Variants in CNTRL observed in about 807,000 individuals in gnomAD.
The protein encoded by CNTRL is centriolin.
In CNTRL, 233 loss-of-function variants were observed where a neutral mutation model predicts 303.7. The observed-to-expected ratio is 0.77, with a 90% confidence interval of 0.69 to 0.86. The LOEUF (loss-of-function observed/expected upper bound fraction) is 0.86. Ranked by LOEUF, CNTRL falls within the 40% of genes least tolerant of loss-of-function variation. CNTRL has a pLI of 0.00. For synonymous variants in CNTRL, 900 were observed against 922.2 expected (o/e 0.98, Z 0.44); for missense variants, 2,524 against 2,650.6 (o/e 0.95, Z 1.05).
At chr9:121,171,224 C>T (rs1447213221) in intron 39 of CNTRL, 184 bp from the exon 40 acceptor site, 32 of 685,324 alleles carry the variant, frequency 4.7e-5, no homozygotes, top group African/African-American at 8.8e-5. Flanking sequence ...CAGACTCTGA[C>T]GTGTATATAC....
intron 23 of CNTRL, among the ~76,000 whole-genome samples, chr9:121,148,018 G>T (rs1317385071): frequency 2.0e-5 from 3 of 152,190 alleles, no homozygotes; most frequent in African/African-American, 7.2e-5. Context: ...TTTCTTCGAA[G>T]TTCACTGGTT....
intron 11 of CNTRL, among the ~76,000 whole-genome samples, chr9:121,116,974 T>TA (rs1471587239): frequency 6.6e-6 from 1 of 152,230 alleles, no homozygotes; most frequent in African/African-American, 2.4e-5. Flanking sequence ...GCCAAAGCTT[T>TA]ACATAGATTG....
Position 121,154,767 on chromosome 9 carries a change from A to G in CNTRL, c.4219A>G (p.Ile1407Val), listed in dbSNP as rs149632088. Residue 1407 changes from isoleucine (I) to valine (V), a missense_variant, in exon 27 of 44, where the codon ATA becomes GTA. Coordinates refer to ENST00000373855, the MANE Select transcript of CNTRL (RefSeq NM_007018.6). ...NVESLMTELEIEKSLKHHEDI... is the reference protein window; with the variant it reads ...NVESLMTELEVEKSLKHHEDI... ...TGAGAGTCTTATGACTGAACTAGAA[A>G]TAGAAAAATCACTCAAACATCATGA... 4.1e-4 allele frequency: 668 copies of G among 1,611,440 alleles called. 1 individual carries two copies. Among genetic ancestry groups the G allele is most frequent in the Non-Finnish European group, 5.2e-4 (610 of 1,177,594 alleles).
intron 42 of CNTRL, 108 bp downstream of exon 42, chr9:121,173,845 C>A: frequency 9.4e-7 from 1 of 1,064,106 alleles, no homozygotes; most frequent in Non-Finnish European, 1.5e-6. Flanking sequence ...CTGTTGCAGC[C>A]CTGCCAGCAG....
rs545104832 is a variant in CNTRL at position 121,132,425 on chromosome 9, G to A, written c.2026-3381G>A. ...CCCTTTCTTCCACTTGATCAAATTG[G>A]CTACTGAAGCTTGTGCATGTGTTAC... On this transcript the variant is annotated intron_variant, in intron 14 of 43. Coordinates refer to ENST00000373855, the MANE Select transcript of CNTRL (RefSeq NM_007018.6). Among the ~76,000 whole-genome samples, 8 of 152,128 alleles carry A rather than the reference G, an allele frequency of 5.3e-5. No individual in the cohort carries two copies. The East Asian group carries it at 1.4e-3, about 26-fold the overall frequency.
At chr9:121,172,012 C>G (rs2053326023) in intron 40 of CNTRL, among the ~76,000 whole-genome samples, 1 of 152,134 alleles carries the variant, frequency 6.6e-6, no homozygotes. Context: ...TCTCTGGTGT[C>G]CTTTAGAGCA....
At position 121,092,495 on chromosome 9, in the gene CNTRL, C is replaced by CTATATATAATATATATCTA. The variant is rs2048637271; in HGVS notation, c.348+2098_348+2099insATATATATCTATATATATA. 5.8e-4 allele frequency among the ~76,000 whole-genome samples: 8 copies of CTATATATAATATATATCTA among 13,878 alleles called. 2 individuals are homozygous for CTATATATAATATATATCTA. Among genetic ancestry groups the CTATATATAATATATATCTA allele is most frequent in the Non-Finnish European group, 9.5e-4 (7 of 7,378 alleles). 9.1% of individuals were successfully genotyped at this position (13,878 alleles called of 152,430 possible). A position where few individuals can be genotyped will look rare whatever the true frequency, so the allele number is the denominator to read the frequency against. On this transcript the variant is annotated intron_variant, in intron 4 of 43. Coordinates refer to ENST00000373855, the MANE Select transcript of CNTRL (RefSeq NM_007018.6). ...ATATATCTATATATATAATATATAT[C>CTATATATAATATATATCTA]TATATATATAATATATATCTATATA... is the stretch of plus-strand genomic sequence containing the variant.
intron 7 of CNTRL, among the ~76,000 whole-genome samples, chr9:121,101,063 A>G (rs1324931993): frequency 2.0e-5 from 3 of 152,240 alleles, no homozygotes; most frequent in Admixed American, 2.0e-4. Flanking sequence ...CAGACCTAAT[A>G]CAGAACTCTC....
rs745485143 is a variant in CNTRL at position 121,144,093 on chromosome 9, A to G, written c.3051+11A>G. 2 of 1,596,200 alleles carry G rather than the reference A, an allele frequency of 1.3e-6. No individual in the cohort carries two copies. The highest frequency in any genetic ancestry group is 2.2e-5 in the East Asian group (1 of 44,692). ...CAGGAGCGAGCAGAGGTGAGTTCAC[A>G]TGTACAGAACAGGTTTCCATCAATG... is the stretch of plus-strand genomic sequence containing the variant. On this transcript the variant is annotated intron_variant, in intron 20 of 43. Transcript: ENST00000373855.
intron 4 of CNTRL, among the ~76,000 whole-genome samples, chr9:121,092,486 A>G (rs867868378): frequency 6.3e-5 from 6 of 94,784 alleles, no homozygotes; most frequent in African/African-American, 2.3e-4. Context: ...CTATATATAT[A>G]ATATATATCT....
At chr9:121,087,495 A>G (rs893500706) in intron 2 of CNTRL, among the ~76,000 whole-genome samples, 6 of 152,154 alleles carry the variant, frequency 3.9e-5, no homozygotes, top group Admixed American at 3.3e-4. Context: ...GTTCGAGATC[A>G]GCCTGGCCAA....
chr9:121,162,844 A>C (rs117839574), intron 34 of CNTRL, among the ~76,000 whole-genome samples: 21 of 152,324 alleles, frequency 1.4e-4, no homozygotes, highest in Non-Finnish European at 1.6e-4. Context: ...AAAGATAAAC[A>C]CATAGATCAA....
rs952769168 is a variant in CNTRL at position 121,174,964 on chromosome 9, C to A, written c.6748-54C>A. 3 of 1,497,232 alleles carry A rather than the reference C, an allele frequency of 2.0e-6. No homozygotes were observed. In the African/African-American group the frequency reaches 4.1e-5, roughly 21 times the overall value. The allele number at this position is 1,497,232 out of a possible 1,614,324, so 92.7% of individuals were successfully genotyped here. ...AAATGTATGTGAGGAAGCTGAGCGG[C>A]AGTTCTGGTACATTTCTTCTGTGTA... On this transcript the variant is annotated intron_variant, in intron 42 of 43. Coordinates refer to ENST00000373855, the MANE Select transcript of CNTRL (RefSeq NM_007018.6).
In CNTRL at chr9:121,152,511, C is replaced by T; in HGVS notation, c.3990C>T (p.Asp1330=). 1.9e-6 allele frequency: 3 copies of T among 1,613,908 alleles called. No homozygotes were observed. The highest frequency in any genetic ancestry group is 2.2e-5 in the South Asian group (2 of 91,068). Residue 1330 remains aspartate, a synonymous_variant, in exon 26 of 44, where the codon GAC becomes GAT. Coordinates refer to ENST00000373855, the MANE Select transcript of CNTRL (RefSeq NM_007018.6). ...AGAATGAAGTTTCTAGATTAGAAGA[C>T]ATAATGCAGCATTTAAAATCAAAGA... ...NLENEVSRLE[D]IMQHLKSKKR...
rs1009808549 is a variant in CNTRL at position 121,162,088 on chromosome 9, C to G, written c.5240C>G (p.Ser1747Cys). Reference protein sequence around the residue: ...KLELENLQQISQQQKGEIEWQ... With the variant: ...KLELENLQQICQQQKGEIEWQ... ...GAGTTAGAGAATTTGCAGCAGATAT[C>G]CCAGCAGCAGAAAGGGGAAATAGAG... Residue 1747 changes from serine (S) to cysteine (C), a missense_variant, in exon 34 of 44, where the codon TCC (serine) becomes TGC (cysteine). Coordinates refer to ENST00000373855, the MANE Select transcript of CNTRL (RefSeq NM_007018.6). 4 of 1,614,014 alleles carry G rather than the reference C, an allele frequency of 2.5e-6. No homozygotes were observed. The highest frequency in any genetic ancestry group is 3.4e-6 in the Non-Finnish European group (4 of 1,180,018).
chr9:121,110,382 A>G (rs1405624273), intron 8 of CNTRL, among the ~76,000 whole-genome samples: 2 of 152,176 alleles, frequency 1.3e-5, no homozygotes, highest in Admixed American at 1.3e-4. Flanking sequence ...GAATGACAAT[A>G]AAATACATCC....
chr9:121,076,279 A>G lies in CNTRL; in HGVS notation c.-205+1212A>G, dbSNP rs150042575. ...CTTCCTACATAAAAGTTGCTCAATA[A>G]AATTGAATAATTAATGGAAAGAGAT... On this transcript the variant is annotated intron_variant, in intron 1 of 43. Coordinates refer to ENST00000373855, the MANE Select transcript of CNTRL (RefSeq NM_007018.6). Among the ~76,000 whole-genome samples the G allele has an allele frequency of 4.6e-5, 7 of 152,314 alleles. No homozygotes were observed. The East Asian group carries it at 1.3e-3, about 29-fold the overall frequency.
At chr9:121,099,241 G>T (rs1354668326) in intron 7 of CNTRL, among the ~76,000 whole-genome samples, 1 of 152,160 alleles carries the variant, frequency 6.6e-6, no homozygotes, top group South Asian at 2.1e-4. Flanking sequence ...TTGCCGTTCT[G>T]CAATATATGC....
chr9:121,159,130 GCCT>G, intron 31 of CNTRL, 111 bp downstream of exon 31: 1 of 1,098,272 alleles, frequency 9.1e-7, no homozygotes, highest in Non-Finnish European at 1.3e-6. Context: ...CTGAAATCTT[GCCT>G]CCTCTGTAAA....
Sources: allele counts gnomAD v4.1 joint callset (sites outside exome capture counted in the v4.1 genomes callset), GRCh38; gene constraint gnomAD v4.1.1; transcripts MANE v1.5; gene names NCBI Gene and HGNC (gene_info 2026-07-23, HGNC 2026-07-21).